Variants in DYRK1A observed in about 807,000 individuals in gnomAD.
DYRK1A encodes dual specificity tyrosine-phosphorylation-regulated kinase 1A.
A neutral mutation model predicts 79.7 loss-of-function variants in DYRK1A; 9 were observed. That is an observed-to-expected ratio of 0.11 (90% confidence interval 0.07 to 0.20). The LOEUF (loss-of-function observed/expected upper bound fraction) is 0.20. DYRK1A is among the 10% of genes least tolerant of loss of function. DYRK1A has a pLI of 1.00. For missense variants in DYRK1A, 622 were observed against 956.0 expected, an observed-to-expected ratio of 0.65 and a Z score of 4.61; for synonymous variants, 349 against 329.7, an observed-to-expected ratio of 1.06 and a Z score of -0.63.
At chr21:37,435,861 G>A (rs1479393059) in intron 2 of DYRK1A, among the ~76,000 whole-genome samples, 1 of 152,164 alleles carries the variant, frequency 6.6e-6, no homozygotes, top group African/African-American at 2.4e-5. Context: ...TGAATTTGAA[G>A]ATCAGGTTGT....
chr21:37,512,754 AT>A lies in DYRK1A; in HGVS notation c.*224del. On this transcript the variant is annotated 3_prime_UTR_variant, in exon 12 of 12. Coordinates refer to ENST00000647188, the MANE Select transcript of DYRK1A (RefSeq NM_001347721.2). ...CCATCTTCATGGATAGCTCAGAGGTATCCTCTTTTTGCTCCCCCATTTTAAC... is the reference window on the plus strand; with the variant it reads ...CCATCTTCATGGATAGCTCAGAGGTACCTCTTTTTGCTCCCCCATTTTAAC... 2.0e-6 allele frequency: 1 copy of A among 512,666 alleles called. No homozygotes were observed. The highest frequency in any genetic ancestry group is 5.1e-4 in the Middle Eastern group (1 of 1,976). 31.8% of individuals were successfully genotyped at this position (512,666 alleles called of 1,614,324 possible).
intron 1 of DYRK1A, among the ~76,000 whole-genome samples, chr21:37,418,364 A>G (rs753868212): frequency 2.0e-5 from 3 of 152,302 alleles, no homozygotes; most frequent in Non-Finnish European, 4.4e-5. Flanking sequence ...AGAAATTTTG[A>G]TGTGTCTTAC....
intron 2 of DYRK1A, among the ~76,000 whole-genome samples, chr21:37,443,528 A>G (rs2835746): frequency 0.35 from 52,460 of 152,050 alleles, 9,702 homozygotes; most frequent in African/African-American, 0.47. Context: ...TTGTTCTGGA[A>G]CAGTCGGGTT....
intron 2 of DYRK1A, among the ~76,000 whole-genome samples, chr21:37,426,648 C>T (rs186648508): frequency 0.012 from 1,754 of 151,796 alleles, 34 homozygotes; most frequent in African/African-American, 0.041. Context: ...TGGTGGCTCA[C>T]GCCTGTAATC....
chr21:37,439,079 A>C (rs1333602068), intron 2 of DYRK1A, among the ~76,000 whole-genome samples: 2 of 152,104 alleles, frequency 1.3e-5, no homozygotes, highest in African/African-American at 4.8e-5. Flanking sequence ...TTTAAATTTC[A>C]GTTTCTGATA....
intron 1 of DYRK1A, among the ~76,000 whole-genome samples, chr21:37,397,780 T>C (rs1047010520): frequency 2.0e-5 from 3 of 152,104 alleles, no homozygotes; most frequent in African/African-American, 7.2e-5. Flanking sequence ...CTCAGGGTGA[T>C]TGTGATGCAG....
intron 1 of DYRK1A, among the ~76,000 whole-genome samples, chr21:37,388,864 T>C (rs2049814965): frequency 6.6e-6 from 1 of 151,888 alleles, no homozygotes; most frequent in Non-Finnish European, 1.5e-5. Flanking sequence ...CAGGTTGGTC[T>C]CCATCTCCTG....
At chr21:37,500,874 G>C (rs1271728807) in intron 9 of DYRK1A, among the ~76,000 whole-genome samples, 1 of 150,394 alleles carries the variant, frequency 6.6e-6, no homozygotes, top group African/African-American at 2.4e-5. Context: ...CTTGCCTCAG[G>C]GTTGATCAAG....
rs1470273001 is a variant in DYRK1A at position 37,517,878 on chromosome 21, CTAAGT to C, written c.*5349_*5353del. 6.6e-6 allele frequency: 1 copy of C among 152,124 alleles called. No homozygotes were observed. The highest frequency in any genetic ancestry group is 1.5e-5 in the Non-Finnish European group (1 of 68,026). 9.4% of individuals were successfully genotyped at this position (152,124 alleles called of 1,614,324 possible). ...AAATACCTCTAGTGGCATGAAACGGCTAAGTTTTTTTTAATGTTACTTCTTTAATT... is the reference window on the plus strand; with the variant it reads ...AAATACCTCTAGTGGCATGAAACGGCTTTTTTTAATGTTACTTCTTTAATT... On this transcript the variant is annotated 3_prime_UTR_variant, in exon 12 of 12. Transcript: ENST00000647188.
At chr21:37,418,702 C>G (rs1025303696) in intron 1 of DYRK1A, among the ~76,000 whole-genome samples, 3 of 152,230 alleles carry the variant, frequency 2.0e-5, no homozygotes, top group Admixed American at 6.5e-5. Flanking sequence ...AATCTTGATT[C>G]AATTATTTTT....
intron 3 of DYRK1A, among the ~76,000 whole-genome samples, chr21:37,475,013 A>C (rs2148561806): frequency 6.6e-6 from 1 of 152,366 alleles, no homozygotes; most frequent in South Asian, 2.1e-4. Flanking sequence ...TTATAATGGA[A>C]AACAGTTTTT....
intron 9 of DYRK1A, 91 bp downstream of exon 9, chr21:37,496,349 A>G: frequency 2.3e-6 from 3 of 1,317,958 alleles, no homozygotes; most frequent in East Asian, 2.4e-5. Flanking sequence ...ACTTGAAATC[A>G]GTGTGTTTCA....
intron 5 of DYRK1A, among the ~76,000 whole-genome samples, chr21:37,484,063 C>T (rs748393995): frequency 1.3e-5 from 2 of 152,180 alleles, no homozygotes; most frequent in African/African-American, 2.4e-5. Context: ...GCCTGAGCTC[C>T]GCCCCGTCAG....
intron 1 of DYRK1A, among the ~76,000 whole-genome samples, chr21:37,406,585 C>T (rs896900632): frequency 1.3e-5 from 2 of 151,846 alleles, no homozygotes; most frequent in Non-Finnish European, 1.5e-5. Context: ...ATCTGTAATC[C>T]CAGCGACTTG....
At chr21:37,438,653 T>C (rs557760569) in intron 2 of DYRK1A, among the ~76,000 whole-genome samples, 2 of 152,334 alleles carry the variant, frequency 1.3e-5, no homozygotes, top group East Asian at 1.9e-4. Context: ...TGGGTCTGTT[T>C]GTGGATTTTC....
intron 1 of DYRK1A, among the ~76,000 whole-genome samples, chr21:37,384,217 G>T (rs1264786569): frequency 6.6e-6 from 1 of 152,158 alleles, no homozygotes; most frequent in Non-Finnish European, 1.5e-5. Context: ...GTTCCAGAGA[G>T]GAGGGAGCTA....
intron 11 of DYRK1A, among the ~76,000 whole-genome samples, chr21:37,510,509 A>T (rs2053718494): frequency 6.6e-6 from 1 of 152,216 alleles, no homozygotes; most frequent in Non-Finnish European, 1.5e-5. Flanking sequence ...ATTAGCTGTT[A>T]AAAAGAAAAT....
chr21:37,428,726 T>C (rs940447551), intron 2 of DYRK1A: 2 of 152,126 alleles, frequency 1.3e-5, no homozygotes, highest in Non-Finnish European at 2.9e-5. Flanking sequence ...AAATTTTGGC[T>C]TAGTGTAAGA....
Position 37,428,496 on chromosome 21 carries a change from T to G in DYRK1A, c.10+8112T>G, listed in dbSNP as rs191846902. 3.8e-3 allele frequency among the ~76,000 whole-genome samples: 579 copies of G among 152,332 alleles called. 1 individual carries two copies. Among genetic ancestry groups the G allele is most frequent in the Admixed American group, 0.013 (197 of 15,312 alleles). On this transcript the variant is annotated intron_variant, in intron 2 of 11. Transcript: ENST00000647188. Reference sequence around the variant, plus strand: ...GCACAGTAAGCTTATCTGTATTAGCTCTTCTGGAAAGTTTTTTAGATGTAA... The same window carrying G: ...GCACAGTAAGCTTATCTGTATTAGCGCTTCTGGAAAGTTTTTTAGATGTAA...
Sources: allele counts gnomAD v4.1 joint callset (sites outside exome capture counted in the v4.1 genomes callset), GRCh38; gene constraint gnomAD v4.1.1; transcripts MANE v1.5; gene names NCBI Gene and HGNC (gene_info 2026-07-23, HGNC 2026-07-21).